The following ARHGEF18 variants were observed in gnomAD, a reference collection of about 807,000 sequenced individuals.
ARHGEF18 encodes rho guanine nucleotide exchange factor 18.
A neutral mutation model predicts 155.7 loss-of-function variants in ARHGEF18; 93 were observed. The observed-to-expected ratio is 0.60, with a 90% CI of 0.50 to 0.71. ARHGEF18 has a LOEUF of 0.71. Ranked by LOEUF, ARHGEF18 falls within the 30% of genes least tolerant of loss-of-function variation. ARHGEF18 has a pLI of 0.00. For synonymous variants in ARHGEF18, 742 were observed against 753.1 expected (o/e 0.99, Z 0.24); for missense variants, 1,593 against 1,816.1 (o/e 0.88, Z 2.23).
In ARHGEF18 at chr19:7,440,045, T is replaced by A; in HGVS notation, c.968-299T>A. On this transcript the variant is annotated intron_variant, in intron 10 of 28. Coordinates refer to ENST00000668164, the MANE Select transcript of ARHGEF18 (RefSeq NM_001367823.1). This position sits in a 1 kb window ranked among gnomAD's most constrained non-coding sequence, Gnocchi z 5.4. ...TTTCTAGAAGGATCCCACCGAGGCA[T>A]AAAAACGGCGCAGCCCAGCCTGGCG... 2 of 1,550,444 alleles carry A rather than the reference T, an allele frequency of 1.3e-6. No homozygotes were observed. The highest frequency in any genetic ancestry group is 1.7e-6 in the Non-Finnish European group (2 of 1,146,750).
downstream of ARHGEF18, chr19:7,477,380 A>G (rs1361208410): frequency 3.2e-6 from 5 of 1,553,570 alleles, no homozygotes; most frequent in Non-Finnish European, 4.3e-6. Flanking sequence ...GAGAAGTGAC[A>G]GCGCCTCCGA....
In ARHGEF18 at chr19:7,444,456, T is replaced by C; in HGVS notation, c.1611+2T>C. 1 of 1,613,274 alleles carries C rather than the reference T, an allele frequency of 6.2e-7. No individual in the cohort carries two copies. The highest frequency in any genetic ancestry group is 1.3e-5 in the African/African-American group (1 of 75,046). ...ATCGGCGACCTCCTGGTTCAGCAGGTGGGTGCAGCCGTGTTCATCTCAACA... is the reference window on the plus strand; with the variant it reads ...ATCGGCGACCTCCTGGTTCAGCAGGCGGGTGCAGCCGTGTTCATCTCAACA... On this transcript the variant is annotated splice_donor_variant, in intron 14 of 28. Transcript: ENST00000668164. LOFTEE classifies it high-confidence loss of function. This position sits in a 1 kb window ranked among gnomAD's most constrained non-coding sequence, Gnocchi z 4.7.
In ARHGEF18 at chr19:7,362,773, C is replaced by A; in HGVS notation, c.-110-8C>A. 8.1e-7 allele frequency: 1 copy of A among 1,233,718 alleles called. No individual in the cohort carries two copies. Among genetic ancestry groups the A allele is most frequent in the South Asian group, 4.1e-5 (1 of 24,152 alleles). The allele number at this position is 1,233,718 out of a possible 1,614,324, so 76.4% of individuals were successfully genotyped here. On this transcript the variant is annotated splice_region_variant and splice_polypyrimidine_tract_variant and intron_variant, in intron 1 of 28. Coordinates refer to ENST00000668164, the MANE Select transcript of ARHGEF18 (RefSeq NM_001367823.1). ...ATCCCTGACACCTTGTCCCTCCTTT[C>A]TCCACAGGCTCTGAGCCCAAGTCAT...
At chr19:7,451,042 C>T in intron 15 of ARHGEF18, 107 bp from the exon 16 acceptor site, 2 of 1,027,838 alleles carry the variant, frequency 1.9e-6, no homozygotes, top group Admixed American at 3.6e-5. Context: ...CTGTCCATTT[C>T]CGAGATGTTA....
At chr19:7,446,472 G>T (rs954644556) in intron 14 of ARHGEF18, among the ~76,000 whole-genome samples, 1 of 152,168 alleles carries the variant, frequency 6.6e-6, no homozygotes, top group Non-Finnish European at 1.5e-5. Flanking sequence ...GCCAGGCGCG[G>T]TGGCTCATGC....
At chr19:7,400,954 T>G (rs976816182) in intron 10 of ARHGEF18, among the ~76,000 whole-genome samples, 1 of 152,216 alleles carries the variant, frequency 6.6e-6, no homozygotes, top group Admixed American at 6.5e-5. Flanking sequence ...TCTAGCATCA[T>G]CTTGCATACA....
In ARHGEF18 at chr19:7,385,872, C is replaced by CT. The variant is rs1568285803; in HGVS notation, c.967+2669_967+2670insT. Among the ~76,000 whole-genome samples, 70 of 49,706 alleles carry CT rather than the reference C, an allele frequency of 1.4e-3. 9 individuals carry two copies. Among genetic ancestry groups the CT allele is most frequent in the African/African-American group, 9.6e-3 (64 of 6,652 alleles). 32.6% of individuals were successfully genotyped at this position (49,706 alleles called of 152,430 possible). On this transcript the variant is annotated intron_variant, in intron 10 of 28. Transcript: ENST00000668164. ...CTCTCTCTCTCTCTCTCTCTCTCTC[C>CT]CCCCTCCCTCTCTCCCTCCCTCCCT...
At chr19:7,424,997 A>AG (rs1053217567) in intron 10 of ARHGEF18, among the ~76,000 whole-genome samples, 17 of 116,256 alleles carry the variant, frequency 1.5e-4, no homozygotes, top group Non-Finnish European at 3.3e-4. Context: ...CGTCTCGGGG[A>AG]AAAAAAAAAA....
At chr19:7,412,741 C>CAA (rs35736055) in intron 10 of ARHGEF18, among the ~76,000 whole-genome samples, 72 of 128,318 alleles carry the variant, frequency 5.6e-4, no homozygotes, top group South Asian at 9.9e-4. Flanking sequence ...GACTCTGTCT[C>CAA]AAAAAAAAAA....
In ARHGEF18 at chr19:7,409,341, A is replaced by AC. The variant is rs1410294262; in HGVS notation, c.967+26138_967+26139insC. Among the ~76,000 whole-genome samples, 3 of 150,898 alleles carry AC rather than the reference A, an allele frequency of 2.0e-5. No individual in the cohort carries two copies. In the Admixed American group the frequency reaches 2.0e-4, roughly 10 times the overall value. On this transcript the variant is annotated intron_variant, in intron 10 of 28. Transcript: ENST00000668164. ...ACCCTGTTTCTTAAAAAAAAAAAAA[A>AC]AAAAAAGACTTAATGGCAGTCCCAG...
chr19:7,368,227 CTG>C (rs1485096739), intron 2 of ARHGEF18, among the ~76,000 whole-genome samples: 1 of 152,056 alleles, frequency 6.6e-6, no homozygotes, highest in Non-Finnish European at 1.5e-5. Flanking sequence ...CTATGCAAAA[CTG>C]TGCGTGGTGA....
chr19:7,444,557 C>T lies in ARHGEF18; in HGVS notation c.1611+103C>T. ...ATAGGGTCTTGCCGTGTCGCCCAGGCTGGAGTGCAGTGGTGCAGTCACAGC... is the reference window on the plus strand; with the variant it reads ...ATAGGGTCTTGCCGTGTCGCCCAGGTTGGAGTGCAGTGGTGCAGTCACAGC... On this transcript the variant is annotated intron_variant, in intron 14 of 28. Coordinates refer to ENST00000668164, the MANE Select transcript of ARHGEF18 (RefSeq NM_001367823.1). The surrounding 1 kb of genome is among the most constrained non-coding windows in gnomAD (Gnocchi z 4.7). 1 of 1,477,500 alleles carries T rather than the reference C, an allele frequency of 6.8e-7. No individual in the cohort carries two copies. Among genetic ancestry groups the T allele is most frequent in the Non-Finnish European group, 9.0e-7 (1 of 1,107,858 alleles). The allele number at this position is 1,477,500 out of a possible 1,614,324, so 91.5% of individuals were successfully genotyped here. A position where few individuals can be genotyped will look rare whatever the true frequency, so the allele number is the denominator to read the frequency against.
intron 4 of ARHGEF18, 100 bp from the exon 5 acceptor site, chr19:7,376,543 T>C (rs1970469238): frequency 1.5e-5 from 9 of 616,672 alleles, no homozygotes; most frequent in Non-Finnish European, 1.9e-5. Flanking sequence ...CCCATTTCTG[T>C]GGAGGTGGCC....
intron 10 of ARHGEF18, among the ~76,000 whole-genome samples, chr19:7,413,240 T>C (rs1334988549): frequency 6.6e-6 from 1 of 150,848 alleles, no homozygotes; most frequent in Non-Finnish European, 1.5e-5. Flanking sequence ...AAAACCAGCC[T>C]GGGCAACACG....
Position 7,463,742 on chromosome 19 carries a change from G to T in ARHGEF18, c.2636-76G>T. On this transcript the variant is annotated intron_variant, in intron 21 of 28. Transcript: ENST00000668164. The surrounding 1 kb of genome is among the most constrained non-coding windows in gnomAD (Gnocchi z 5.2). The stretch of plus-strand genomic sequence containing the variant: ...GAGTCCCTCCGTCCACCCGGGTCTC[G>T]CTGCCCCAGCGCTCCGTATTCCCCC... 1 of 1,467,274 alleles carries T rather than the reference G, an allele frequency of 6.8e-7. No homozygotes were observed. The highest frequency in any genetic ancestry group is 1.4e-5 in the South Asian group (1 of 72,620). The allele number at this position is 1,467,274 out of a possible 1,614,324, so 90.9% of individuals were successfully genotyped here.
At chr19:7,434,270 T>C (rs1974134013) in intron 10 of ARHGEF18, among the ~76,000 whole-genome samples, 1 of 152,116 alleles carries the variant, frequency 6.6e-6, no homozygotes. Context: ...ATTACAGGCA[T>C]GAGCCACTGT....
At chr19:7,378,351 G>A in intron 5 of ARHGEF18, 43 bp from the exon 6 acceptor site, 1 of 1,230,338 alleles carries the variant, frequency 8.1e-7, no homozygotes, top group Non-Finnish European at 1.0e-6. Flanking sequence ...CTGTCCCAGA[G>A]CTCCTGACAA....
Position 7,380,994 on chromosome 19 carries a change from A to C in ARHGEF18, c.722A>C (p.Glu241Ala). The C allele has an allele frequency of 8.1e-7, 1 of 1,232,136 alleles. No individual in the cohort carries two copies. Among genetic ancestry groups the C allele is most frequent in the Non-Finnish European group, 1.0e-6 (1 of 987,998 alleles). The allele number at this position is 1,232,136 out of a possible 1,614,324, so 76.3% of individuals were successfully genotyped here. The change falls in exon 8 of 29, where the codon GAG becomes GCG. Residue 241 changes from glutamate to alanine, a missense_variant and splice_region_variant. Transcript: ENST00000668164. ...SNLTWFEFLSESEDGAGKNEK... is the reference protein window; with the variant it reads ...SNLTWFEFLSASEDGAGKNEK... ...CTGACCTGGTTTGAATTCCTGTCGG[A>C]GTAAGTACACAGATCTGCTTCTGGG...
At chr19:7,474,531 A>G (rs991797297), downstream of ARHGEF18, among the ~76,000 whole-genome samples, 32 of 151,848 alleles carry the variant, frequency 2.1e-4, no homozygotes, top group African/African-American at 7.2e-4. Flanking sequence ...GGCACCCACC[A>G]TCATGCCCGG....
Sources: gnomAD v4.1 joint callset for allele counts (sites outside exome capture counted in the v4.1 genomes callset) on GRCh38, gnomAD v4.1.1 for gene constraint, Gnocchi (gnomAD v3.1) non-coding constraint, MANE v1.5 for transcripts, NCBI Gene and HGNC (gene_info 2026-07-23, HGNC 2026-07-21) for gene names.